The following LRBA variants were observed in gnomAD, a reference collection of about 807,000 sequenced individuals.
LRBA encodes LPS responsive beige-like anchor protein, also known as lipopolysaccharide-responsive and beige-like anchor protein.
A neutral mutation model predicts 330.0 loss-of-function variants in LRBA; 176 were observed. That is an observed-to-expected ratio of 0.53 (90% CI 0.47 to 0.60). LRBA has a LOEUF of 0.60. Ranked by LOEUF, LRBA falls within the 20% of genes least tolerant of loss-of-function variation. The pLI, the probability that LRBA is intolerant of heterozygous loss-of-function variation, is 0.00. For missense variants in LRBA, 3,259 were observed against 3,444.8 expected (o/e 0.95, Z 1.35); for synonymous variants, 1,230 against 1,193.0 (o/e 1.03, Z -0.64).
intron 31 of LRBA, among the ~76,000 whole-genome samples, chr4:150,809,883 ACG>A (rs1203174941): frequency 6.8e-6 from 1 of 147,170 alleles, no homozygotes; most frequent in Admixed American, 6.8e-5. Flanking sequence ...ACGATACGAT[ACG>A]ATACGATACG....
chr4:150,272,619 A>C (rs1433005945), intron 56 of LRBA, among the ~76,000 whole-genome samples: 1 of 151,904 alleles, frequency 6.6e-6, no homozygotes, highest in Non-Finnish European at 1.5e-5. Context: ...GAAGAACATA[A>C]ATGACCTGAT....
chr4:150,509,662 C>T (rs1176167268), intron 40 of LRBA, among the ~76,000 whole-genome samples: 3 of 150,200 alleles, frequency 2.0e-5, no homozygotes, highest in Non-Finnish European at 4.4e-5. Flanking sequence ...ATTGATAAAC[C>T]TCTGACCAGA....
At chr4:150,928,741 T>G in intron 3 of LRBA, 93 bp downstream of exon 3, 1 of 1,307,866 alleles carries the variant, frequency 7.6e-7, no homozygotes, top group Non-Finnish European at 1.1e-6. Context: ...GCTCAAATAT[T>G]TCTTAAATAT....
At chr4:150,719,961 A>C (rs571228810) in intron 36 of LRBA, among the ~76,000 whole-genome samples, 2 of 152,270 alleles carry the variant, frequency 1.3e-5, no homozygotes, top group Admixed American at 1.3e-4. Context: ...GAAAATATTT[A>C]ACAAAATCTT....
chr4:150,571,182 T>C (rs1371824840), intron 40 of LRBA, among the ~76,000 whole-genome samples: 2 of 151,944 alleles, frequency 1.3e-5, no homozygotes, highest in Non-Finnish European at 2.9e-5. Flanking sequence ...TTTCTGCAGC[T>C]TCTTTTTTTT....
chr4:150,350,567 C>CAAA (rs34934931), intron 47 of LRBA, among the ~76,000 whole-genome samples: 51 of 138,454 alleles, frequency 3.7e-4, no homozygotes, highest in Non-Finnish European at 4.7e-4. Context: ...AACTCCATCT[C>CAAA]AAAAAAAAAA....
At chr4:150,354,079 GAGA>G (rs1737511029) in intron 47 of LRBA, among the ~76,000 whole-genome samples, 1 of 152,052 alleles carries the variant, frequency 6.6e-6, no homozygotes, top group Non-Finnish European at 1.5e-5. Context: ...TGAGGGGAGA[GAGA>G]AGGACAGGCA....
intron 37 of LRBA, among the ~76,000 whole-genome samples, chr4:150,616,157 G>A (rs763252632): frequency 6.6e-6 from 1 of 152,166 alleles, no homozygotes; most frequent in Non-Finnish European, 1.5e-5. Flanking sequence ...ATAAGAGTGT[G>A]GAGTTCAAAG....
Position 150,696,684 on chromosome 4 carries a change from G to T in LRBA, c.5755-12967C>A, listed in dbSNP as rs569188947. On this transcript the variant is annotated intron_variant, in intron 36 of 56. Coordinates refer to ENST00000651943, the MANE Select transcript of LRBA (RefSeq NM_001364905.1). ...CAAAGAGTTATAGACAGTATGTTTG[G>T]AAAGAGAGAAAAAGAAGGAACTATT... Among the ~76,000 whole-genome samples the T allele has an allele frequency of 7.9e-5, 12 of 152,136 alleles. No homozygotes were observed. The South Asian group carries it at 2.3e-3, about 29-fold the overall frequency.
At chr4:150,755,429 C>T (rs1028180744) in intron 35 of LRBA, among the ~76,000 whole-genome samples, 10 of 152,112 alleles carry the variant, frequency 6.6e-5, no homozygotes, top group Non-Finnish European at 1.2e-4. Flanking sequence ...CACAGCAGCA[C>T]ATCTAAAAGT....
chr4:150,912,482 T>C (rs1478560837), intron 9 of LRBA, among the ~76,000 whole-genome samples: 2 of 152,264 alleles, frequency 1.3e-5, no homozygotes, highest in East Asian at 1.9e-4. Context: ...CTCTGCTTTG[T>C]TTCCCACTGA....
chr4:150,871,483 T>C (rs1753435827), intron 18 of LRBA, 30 bp from the exon 19 acceptor site: 1 of 1,349,458 alleles, frequency 7.4e-7, no homozygotes, highest in Non-Finnish European at 1.1e-6. Context: ...AATCATCAAA[T>C]GTAGAGCTTT....
intron 40 of LRBA, among the ~76,000 whole-genome samples, chr4:150,561,007 A>G (rs1010841904): frequency 2.6e-5 from 4 of 152,146 alleles, no homozygotes; most frequent in African/African-American, 9.6e-5. Flanking sequence ...AAAGGTTACT[A>G]TCAGTAAATG....
chr4:150,330,735 T>C (rs1733881960), intron 48 of LRBA, among the ~76,000 whole-genome samples: 2 of 152,156 alleles, frequency 1.3e-5, no homozygotes, highest in African/African-American at 4.8e-5. Context: ...TAACAGGCTG[T>C]GGCTCGGCGG....
intron 2 of LRBA, among the ~76,000 whole-genome samples, chr4:150,968,452 G>A (rs2149581233): frequency 6.6e-6 from 1 of 152,358 alleles, no homozygotes; most frequent in East Asian, 1.9e-4. Context: ...TTAAACGTAA[G>A]CAAAACAGCT....
chr4:150,317,953 G>A (rs879726909), intron 50 of LRBA, among the ~76,000 whole-genome samples: 2 of 152,176 alleles, frequency 1.3e-5, no homozygotes, highest in African/African-American at 4.8e-5. Flanking sequence ...TCCTCAGGTT[G>A]TTAAGAAGAT....
chr4:150,498,549 G>T (rs1759856449), intron 40 of LRBA, among the ~76,000 whole-genome samples: 1 of 152,120 alleles, frequency 6.6e-6, no homozygotes, highest in African/African-American at 2.4e-5. Flanking sequence ...GGATATTAAG[G>T]AACCATAGCA....
intron 34 of LRBA, among the ~76,000 whole-genome samples, chr4:150,765,460 G>A (rs1038685231): frequency 6.6e-6 from 1 of 152,124 alleles, no homozygotes; most frequent in African/African-American, 2.4e-5. Context: ...ACACATGCCA[G>A]TCTCGTGAAG....
chr4:150,380,549 A>T (rs1336240928), intron 47 of LRBA, among the ~76,000 whole-genome samples: 1 of 152,134 alleles, frequency 6.6e-6, no homozygotes, highest in Non-Finnish European at 1.5e-5. Context: ...TGGAACACTA[A>T]AAGTTTGAGA....
Sources: gnomAD v4.1 joint callset for allele counts (sites outside exome capture counted in the v4.1 genomes callset) on GRCh38, gnomAD v4.1.1 for gene constraint, MANE v1.5 for transcripts, NCBI Gene and HGNC (gene_info 2026-07-23, HGNC 2026-07-21) for gene names.